Variants in LSAMP observed in about 807,000 individuals in gnomAD.
The protein encoded by LSAMP is limbic system-associated membrane protein.
Under a neutral mutation model 38.6 loss-of-function variants are expected in LSAMP, and 7 were observed. That is an observed-to-expected ratio of 0.18 (90% CI 0.10 to 0.34). The LOEUF is 0.34. LSAMP is among the 10% of genes least tolerant of loss of function. The pLI, the probability that LSAMP is intolerant of heterozygous loss-of-function variation, is 1.00. For synonymous variants in LSAMP, 154 were observed against 166.8 expected, an observed-to-expected ratio of 0.92 and a Z score of 0.59; for missense variants, 313 against 420.0, an observed-to-expected ratio of 0.75 and a Z score of 2.23.
intron 1 of LSAMP, among the ~76,000 whole-genome samples, chr3:116,392,271 G>A (rs1475307029): frequency 6.6e-6 from 1 of 152,156 alleles, no homozygotes; most frequent in Non-Finnish European, 1.5e-5. Flanking sequence ...TGCAGACTCA[G>A]GCATCTCTGC....
chr3:115,841,710 G>A (rs1935001960), intron 6 of LSAMP, 135 bp downstream of exon 6: 9 of 921,054 alleles, frequency 9.8e-6, no homozygotes, highest in South Asian at 2.1e-5. Flanking sequence ...TGAGAACCCT[G>A]TATTTTTGTT....
intron 3 of LSAMP, among the ~76,000 whole-genome samples, chr3:115,981,359 T>C (rs1939354957): frequency 6.6e-6 from 1 of 152,058 alleles, no homozygotes; most frequent in Non-Finnish European, 1.5e-5. Context: ...GCAACAGGTG[T>C]TGTGAATTCC....
intron 3 of LSAMP, among the ~76,000 whole-genome samples, chr3:115,900,681 A>G (rs1462223443): frequency 1.3e-5 from 2 of 152,160 alleles, no homozygotes; most frequent in Admixed American, 1.3e-4. Flanking sequence ...CCAAAAGGAG[A>G]GAAGTTGGCT....
At chr3:115,871,199 G>T (rs1174493970) in intron 3 of LSAMP, among the ~76,000 whole-genome samples, 1 of 152,028 alleles carries the variant, frequency 6.6e-6, no homozygotes, top group African/African-American at 2.4e-5. Context: ...AGAGAAAATG[G>T]CATTGCATTC....
intron 1 of LSAMP, among the ~76,000 whole-genome samples, chr3:116,244,900 C>T (rs931526883): frequency 6.6e-5 from 10 of 152,066 alleles, no homozygotes; most frequent in African/African-American, 2.4e-4. Flanking sequence ...CATTGTTTTC[C>T]TGAACTATTT....
At chr3:116,161,430 T>A (rs1425561077) in intron 1 of LSAMP, among the ~76,000 whole-genome samples, 2 of 152,204 alleles carry the variant, frequency 1.3e-5, no homozygotes, top group African/African-American at 4.8e-5. Context: ...TGTGGTTAAC[T>A]CCATTTATTT....
chr3:116,104,534 C>T (rs138935842), intron 1 of LSAMP, among the ~76,000 whole-genome samples: 20 of 152,256 alleles, frequency 1.3e-4, no homozygotes, highest in African/African-American at 4.6e-4. Context: ...AGATTAACAA[C>T]CTTGCACCAA....
chr3:116,372,669 A>G (rs2048444406), intron 1 of LSAMP, among the ~76,000 whole-genome samples: 1 of 148,630 alleles, frequency 6.7e-6, no homozygotes, highest in Non-Finnish European at 1.5e-5. Context: ...TATCATAAAA[A>G]GAATATTCAG....
intron 1 of LSAMP, among the ~76,000 whole-genome samples, chr3:116,421,311 T>G (rs1455046930): frequency 1.3e-5 from 2 of 152,168 alleles, no homozygotes; most frequent in African/African-American, 4.8e-5. Context: ...AGCTCATGCC[T>G]GTAATCCCAG....
At chr3:115,829,239 C>T (rs1361935335) in intron 6 of LSAMP, among the ~76,000 whole-genome samples, 1 of 152,038 alleles carries the variant, frequency 6.6e-6, no homozygotes, top group Non-Finnish European at 1.5e-5. Context: ...AGAAAACCTC[C>T]CTATTACACT....
intron 1 of LSAMP, among the ~76,000 whole-genome samples, chr3:116,123,939 C>T (rs1034144679): frequency 6.6e-6 from 1 of 152,074 alleles, no homozygotes; most frequent in African/African-American, 2.4e-5. Flanking sequence ...CCTTCCTTAC[C>T]ATGAAGATAT....
intron 3 of LSAMP, among the ~76,000 whole-genome samples, chr3:115,988,329 G>A (rs9813153): frequency 0.49 from 75,059 of 152,034 alleles, 21,088 homozygotes; most frequent in African/African-American, 0.78. Context: ...GCACACAGAA[G>A]CAAGCATGCC....
intron 6 of LSAMP, among the ~76,000 whole-genome samples, chr3:115,833,030 A>C (rs1330006601): frequency 1.3e-5 from 2 of 152,238 alleles, no homozygotes; most frequent in Non-Finnish European, 1.5e-5. Context: ...CTGCTCTCAC[A>C]AATGATACCT....
chr3:116,153,216 C>T lies in LSAMP; in HGVS notation c.156-66660G>A, dbSNP rs76914772. ...TTCGAGTTTGATTTCATGCTCTACT[C>T]AAGTTCCTCTAAAGTTGGAGCCCCC... On this transcript the variant is annotated intron_variant, in intron 1 of 6. Transcript: ENST00000490035. 4.5e-4 allele frequency among the ~76,000 whole-genome samples: 68 copies of T among 152,194 alleles called. 1 individual carries two copies. In the East Asian group the frequency reaches 0.012, roughly 27 times the overall value.
intron 1 of LSAMP, among the ~76,000 whole-genome samples, chr3:116,186,655 A>T (rs1425895315): frequency 1.3e-5 from 2 of 152,178 alleles, no homozygotes; most frequent in Non-Finnish European, 2.9e-5. Context: ...AATTAATCCA[A>T]TAAAATTATA....
intron 1 of LSAMP, among the ~76,000 whole-genome samples, chr3:116,143,233 T>A (rs944431779): frequency 1.1e-4 from 16 of 151,790 alleles, no homozygotes; most frequent in Non-Finnish European, 1.9e-4. Context: ...ATTAAAAAAA[T>A]TTTCTCATTT....
At chr3:116,172,214 G>A (rs1710218566) in intron 1 of LSAMP, among the ~76,000 whole-genome samples, 2 of 151,906 alleles carry the variant, frequency 1.3e-5, no homozygotes, top group Admixed American at 1.3e-4. Context: ...TGCTGGCCAT[G>A]CGCCAATTAC....
At chr3:116,105,130 A>T (rs1183894235) in intron 1 of LSAMP, among the ~76,000 whole-genome samples, 4 of 152,060 alleles carry the variant, frequency 2.6e-5, no homozygotes, top group African/African-American at 9.7e-5. Context: ...GAAGGCATTC[A>T]TAGAACTCTT....
chr3:115,867,463 A>G (rs1935894030), intron 3 of LSAMP, among the ~76,000 whole-genome samples: 1 of 152,100 alleles, frequency 6.6e-6, no homozygotes, highest in African/African-American at 2.4e-5. Flanking sequence ...AGATGGCTTT[A>G]CCCGAAGGCA....
Sources: allele counts gnomAD v4.1 joint callset (sites outside exome capture counted in the v4.1 genomes callset), GRCh38; gene constraint gnomAD v4.1.1; transcripts MANE v1.5; gene names NCBI Gene and HGNC (gene_info 2026-07-23, HGNC 2026-07-21).